RIMS2: variants seen among roughly 807,000 people sequenced by gnomAD.
The protein encoded by RIMS2 is regulating synaptic membrane exocytosis 2.
Under a neutral mutation model 174.4 loss-of-function variants are expected in RIMS2, and 59 were observed. That is an observed-to-expected ratio of 0.34 (90% CI 0.27 to 0.42). The LOEUF (loss-of-function observed/expected upper bound fraction) is 0.42, where lower values mean the gene tolerates loss of function less well. Among genes scored for constraint, RIMS2 ranks in the 10% least tolerant of loss-of-function variants. The pLI, the probability that RIMS2 is intolerant of heterozygous loss-of-function variation, is 1.00. For missense variants in RIMS2, 1,620 were observed against 1,666.3 expected, an observed-to-expected ratio of 0.97 and a Z score of 0.48; for synonymous variants, 606 against 572.5, an observed-to-expected ratio of 1.06 and a Z score of -0.84.
intron 17 of RIMS2, among the ~76,000 whole-genome samples, chr8:103,992,250 A>G (rs1212157829): frequency 6.7e-6 from 1 of 148,294 alleles, no homozygotes; most frequent in Non-Finnish European, 1.5e-5. Context: ...CTGGGATTAC[A>G]GGCATGTGCC....
chr8:103,721,069 T>A (rs1328106211), intron 2 of RIMS2, among the ~76,000 whole-genome samples: 3 of 152,168 alleles, frequency 2.0e-5, no homozygotes, highest in Non-Finnish European at 2.9e-5. Context: ...TTTAGCACCA[T>A]CCCTTTGGTG....
intron 3 of RIMS2, among the ~76,000 whole-genome samples, chr8:103,879,038 A>G (rs192308141): frequency 6.6e-6 from 1 of 151,828 alleles, no homozygotes; most frequent in Non-Finnish European, 1.5e-5. Flanking sequence ...GCAATAAACA[A>G]AAGAAAACAT....
intron 3 of RIMS2, among the ~76,000 whole-genome samples, chr8:103,813,389 CT>C (rs1554844098): frequency 6.8e-6 from 1 of 147,272 alleles, no homozygotes; most frequent in Non-Finnish European, 1.5e-5. Context: ...AGAATTTACA[CT>C]TCTTTCTTTC....
chr8:104,204,059 C>T (rs534609732), intron 19 of RIMS2, among the ~76,000 whole-genome samples: 1 of 152,282 alleles, frequency 6.6e-6, no homozygotes, highest in South Asian at 2.1e-4. Flanking sequence ...CTCTGCCCGC[C>T]ATTCCACCCA....
At chr8:104,049,447 CA>C (rs540108708) in intron 19 of RIMS2, among the ~76,000 whole-genome samples, 16 of 151,910 alleles carry the variant, frequency 1.1e-4, no homozygotes, top group Middle Eastern at 3.4e-3. Context: ...AACAAACAAA[CA>C]AAAAAACCCG....
intron 2 of RIMS2, among the ~76,000 whole-genome samples, chr8:103,754,577 G>A (rs2097952281): frequency 6.6e-6 from 1 of 152,060 alleles, no homozygotes; most frequent in Non-Finnish European, 1.5e-5. Flanking sequence ...TCTCTTTGTA[G>A]GTCTCTAAGG....
chr8:104,114,699 CT>C (rs75711688), intron 19 of RIMS2, among the ~76,000 whole-genome samples: 2,644 of 150,310 alleles, frequency 0.018, 133 homozygotes, highest in East Asian at 0.16. Flanking sequence ...TGGCAATTGC[CT>C]TTTTTTTTGT....
intron 1 of RIMS2, among the ~76,000 whole-genome samples, chr8:103,504,312 C>A (rs187142000): frequency 1.3e-5 from 2 of 151,750 alleles, no homozygotes; most frequent in Non-Finnish European, 2.9e-5. Flanking sequence ...AACACCTGCA[C>A]GTAATAAGTA....
In RIMS2 at chr8:104,248,913, T is replaced by C. The variant is rs370149090; in HGVS notation, c.3589+100T>C. 3.8e-3 allele frequency: 2,030 copies of C among 536,660 alleles called. 31 individuals carry two copies. The highest frequency in any genetic ancestry group is 6.2e-3 in the South Asian group (295 of 47,856). 33.2% of individuals were successfully genotyped at this position (536,660 alleles called of 1,614,324 possible). A position where few individuals can be genotyped will look rare whatever the true frequency, so the allele number is the denominator to read the frequency against. On this transcript the variant is annotated intron_variant, in intron 21 of 23. Coordinates refer to ENST00000504942, the Ensembl canonical transcript of RIMS2. ...ATCTTCTCTCTCTCTCTCTCTCTCT[T>C]TCCCTCTCTCTCTCCCTCTATTTTT...
intron 1 of RIMS2, among the ~76,000 whole-genome samples, chr8:103,649,229 T>C (rs1554714263): frequency 6.6e-6 from 1 of 152,192 alleles, no homozygotes; most frequent in Non-Finnish European, 1.5e-5. Flanking sequence ...CAGTTCTGGG[T>C]TGGAATTTCT....
chr8:103,717,960 TA>T (rs2097394901), intron 2 of RIMS2, among the ~76,000 whole-genome samples: 1 of 152,238 alleles, frequency 6.6e-6, no homozygotes, highest in African/African-American at 2.4e-5. Context: ...TTAATTTAAA[TA>T]ACCACATGTG....
intron 2 of RIMS2, among the ~76,000 whole-genome samples, chr8:103,705,914 G>A (rs936809080): frequency 6.7e-6 from 1 of 150,308 alleles, no homozygotes; most frequent in Non-Finnish European, 1.5e-5. Context: ...TAGTATTATT[G>A]ATCAGTAACC....
rs190903851 is a variant in RIMS2, at chr8:103,639,806, T to C, written c.177-57280T>C. On this transcript the variant is annotated intron_variant, in intron 1 of 23. Transcript: ENST00000504942. ...TTTTCATTCTATTTGACTACATACC[T>C]AGAAAGTGGGATTGCTAGGTCTTTT... 2.0e-5 allele frequency among the ~76,000 whole-genome samples: 3 copies of C among 152,056 alleles called. No individual in the cohort carries two copies. In the East Asian group the frequency reaches 5.8e-4, roughly 29 times the overall value.
At chr8:103,981,692 T>C (rs2093917304) in intron 16 of RIMS2, among the ~76,000 whole-genome samples, 1 of 151,884 alleles carries the variant, frequency 6.6e-6, no homozygotes, top group Non-Finnish European at 1.5e-5. Context: ...GAGATTGAAA[T>C]AATTAAAAAT....
At chr8:104,095,479 C>T (rs2097743547) in intron 19 of RIMS2, among the ~76,000 whole-genome samples, 1 of 152,082 alleles carries the variant, frequency 6.6e-6, no homozygotes, top group South Asian at 2.1e-4. Flanking sequence ...GGAAAAAATA[C>T]AGGCAGCATG....
At chr8:103,934,769 C>A (rs1444700412) in intron 12 of RIMS2, among the ~76,000 whole-genome samples, 1 of 151,412 alleles carries the variant, frequency 6.6e-6, no homozygotes, top group Non-Finnish European at 1.5e-5. Context: ...ACGATCTCGG[C>A]TCACTGCAAC....
chr8:103,651,998 A>T (rs1189800852), intron 1 of RIMS2, among the ~76,000 whole-genome samples: 1 of 152,170 alleles, frequency 6.6e-6, no homozygotes, highest in Non-Finnish European at 1.5e-5. Context: ...TAGAATTTTA[A>T]TATTAGTTTT....
chr8:103,788,926 C>A (rs1465358268), intron 3 of RIMS2, among the ~76,000 whole-genome samples: 4 of 152,210 alleles, frequency 2.6e-5, no homozygotes, highest in South Asian at 2.1e-4. Context: ...CAGCGAGACT[C>A]CGTGGGCGTT....
chr8:104,216,208 T>G (rs980879258), intron 19 of RIMS2, among the ~76,000 whole-genome samples: 9 of 152,154 alleles, frequency 5.9e-5, no homozygotes, highest in Admixed American at 2.0e-4. Flanking sequence ...AAATAAAGAT[T>G]TACATAAATA....
Sources: gnomAD v4.1 joint callset for allele counts (sites outside exome capture counted in the v4.1 genomes callset) on GRCh38, gnomAD v4.1.1 for gene constraint, MANE v1.5 for transcripts, NCBI Gene and HGNC (gene_info 2026-07-23, HGNC 2026-07-21) for gene names.